The following MYOM3 variants were observed in gnomAD, a reference collection of about 807,000 sequenced individuals.
The protein encoded by MYOM3 is myomesin 3.
A neutral mutation model predicts 191.7 loss-of-function variants in MYOM3; 155 were observed. That is an observed-to-expected ratio of 0.81 (90% CI 0.71 to 0.92). The LOEUF (loss-of-function observed/expected upper bound fraction) is 0.92, where lower values mean the gene tolerates loss of function less well. Among genes scored for constraint, MYOM3 ranks in the 40% least tolerant of loss-of-function variants. The pLI is 0.00. For synonymous variants in MYOM3, 757 were observed against 762.9 expected (o/e 0.99, Z 0.13); for missense variants, 1,889 against 1,890.6 (o/e 1.00, Z 0.02).
intron 19 of MYOM3, among the ~76,000 whole-genome samples, chr1:24,080,574 G>A (rs916841113): frequency 6.6e-6 from 1 of 152,138 alleles, no homozygotes; most frequent in African/African-American, 2.4e-5. Context: ...TTCCAGATAT[G>A]GGGACTCTGG....
intron 5 of MYOM3, among the ~76,000 whole-genome samples, chr1:24,100,252 G>C (rs1643902193): frequency 1.3e-5 from 2 of 152,200 alleles, no homozygotes; most frequent in Non-Finnish European, 2.9e-5. Context: ...GTCCTGACTC[G>C]TGAAATGGCG....
chr1:24,086,547 G>T, intron 15 of MYOM3, 97 bp downstream of exon 15: 1 of 1,250,934 alleles, frequency 8.0e-7, no homozygotes, highest in Non-Finnish European at 1.1e-6. Flanking sequence ...AGAAGGGAGC[G>T]GGGACAGGGA....
chr1:24,079,952 C>G, intron 20 of MYOM3, 64 bp downstream of exon 20: 1 of 1,436,366 alleles, frequency 7.0e-7, no homozygotes, highest in African/African-American at 1.4e-5. Flanking sequence ...GTCATTCCAG[C>G]TCTGATGCTC....
rs12404800 is a variant in MYOM3 at position 24,063,887 on chromosome 1, C to T, written c.3622+185G>A. Among the ~76,000 whole-genome samples, 26,956 of 152,044 alleles carry T rather than the reference C, an allele frequency of 0.18. 2,669 individuals are homozygous for T. The highest frequency in any genetic ancestry group is 0.31 in the South Asian group (1,470 of 4,816). On this transcript the variant is annotated intron_variant, in intron 30 of 36. Transcript: ENST00000374434. The surrounding 1 kb of genome is among the most constrained non-coding windows in gnomAD (Gnocchi z 4.5). ...GGTATACTGTGGTGAACGAGGGCAT[C>T]GGAGTCACACCGACCTGGCTCCTGC...
At chr1:24,079,926 G>T (rs531331447) in intron 20 of MYOM3, 90 bp downstream of exon 20, 1 of 1,169,310 alleles carries the variant, frequency 8.6e-7, no homozygotes, top group South Asian at 1.6e-5. Flanking sequence ...TTAAGTGAGA[G>T]CAGTGATGTC....
Position 24,111,658 on chromosome 1 carries a change from C to T in MYOM3, c.-19+373G>A, listed in dbSNP as rs1441499520. On this transcript the variant is annotated intron_variant, in intron 1 of 36. Coordinates refer to ENST00000374434, the MANE Select transcript of MYOM3 (RefSeq NM_152372.4). The surrounding 1 kb of genome is among the most constrained non-coding windows in gnomAD (Gnocchi z 4.7). The stretch of plus-strand genomic sequence containing the variant: ...GGCTCAGCCAGCTCCGCTCTAAGTT[C>T]GTGGAACTTGCCAGCTTAGCCTGGC... Among the ~76,000 whole-genome samples, 2 of 152,144 alleles carry T rather than the reference C, an allele frequency of 1.3e-5. No individual in the cohort carries two copies. Among genetic ancestry groups the T allele is most frequent in the African/African-American group, 4.8e-5 (2 of 41,432 alleles).
chr1:24,089,007 C>A (rs1349399119), intron 14 of MYOM3, among the ~76,000 whole-genome samples: 1 of 152,154 alleles, frequency 6.6e-6, no homozygotes, highest in Non-Finnish European at 1.5e-5. Context: ...CCATACTGCC[C>A]CCCCTCCACT....
intron 8 of MYOM3, 22 bp downstream of exon 8, chr1:24,095,420 C>G (rs374931531): frequency 6.2e-7 from 1 of 1,608,706 alleles, no homozygotes; most frequent in Non-Finnish European, 8.5e-7. Context: ...TCCCAGGTCC[C>G]GTTCTCCCCC....
chr1:24,088,918 G>A (rs1371461987), intron 14 of MYOM3, among the ~76,000 whole-genome samples: 1 of 152,162 alleles, frequency 6.6e-6, no homozygotes, highest in African/African-American at 2.4e-5. Context: ...GGCTCAGAGA[G>A]TTTAGGACAC....
rs542942194 is a variant in MYOM3 at position 24,089,554 on chromosome 1, G to C, written c.1598C>G (p.Thr533Arg). The stretch of plus-strand genomic sequence containing the variant: ...GTTCCCTACCTTCTCCAGGGAGTAC[G>C]TCAGTGGTGCTCTGTCCCGGGGGCT... The part of the protein sequence containing the change: ...EPSPRDRAPL[T>R]YSLEKSVIGS... The change falls in exon 14 of 37, where the codon ACG becomes AGG. Residue 533 changes from threonine to arginine, a missense_variant. Coordinates refer to ENST00000374434, the MANE Select transcript of MYOM3 (RefSeq NM_152372.4). 8 of 1,602,444 alleles carry C rather than the reference G, an allele frequency of 5.0e-6. No homozygotes were observed. The highest frequency in any genetic ancestry group is 2.7e-5 in the African/African-American group (2 of 74,682).
Position 24,093,008 on chromosome 1 carries a change from G to A in MYOM3, c.1029C>T (p.Tyr343=). 1.2e-6 allele frequency: 2 copies of A among 1,612,842 alleles called. No individual in the cohort carries two copies. The highest frequency in any genetic ancestry group is 1.7e-6 in the Non-Finnish European group (2 of 1,179,730). The part of the protein sequence containing the change: ...SCTYKEDEGL[Y]MVRVPSPFGP... Reference sequence around the variant, plus strand: ...CGAAGGGCGAGGGCACCCGGACCATGTAGAGCCCCTCGTCCTCCTTGTAGG... The same window carrying A: ...CGAAGGGCGAGGGCACCCGGACCATATAGAGCCCCTCGTCCTCCTTGTAGG... The change falls in exon 10 of 37, where the codon TAC becomes TAT. Residue 343 remains tyrosine, a synonymous_variant. Transcript: ENST00000374434.
intron 5 of MYOM3, among the ~76,000 whole-genome samples, chr1:24,102,634 G>A (rs1643946016): frequency 6.6e-6 from 1 of 152,088 alleles, no homozygotes; most frequent in Admixed American, 6.5e-5. Flanking sequence ...GACTACTTGA[G>A]GCCAGGAGTT....
chr1:24,069,283 CTAA>C (rs1643493114), intron 25 of MYOM3, among the ~76,000 whole-genome samples: 1 of 152,212 alleles, frequency 6.6e-6, no homozygotes, highest in Non-Finnish European at 1.5e-5. Context: ...CCACTGAATA[CTAA>C]TGAGTCCAGA....
Position 24,111,025 on chromosome 1 carries a change from G to A in MYOM3, c.-19+1006C>T, listed in dbSNP as rs1333776073. 2.6e-5 allele frequency among the ~76,000 whole-genome samples: 4 copies of A among 152,216 alleles called. No homozygotes were observed. The highest frequency in any genetic ancestry group is 6.5e-5 in the Admixed American group (1 of 15,292). On this transcript the variant is annotated intron_variant, in intron 1 of 36. Transcript: ENST00000374434. This position sits in a 1 kb window ranked among gnomAD's most constrained non-coding sequence, Gnocchi z 4.7. ...GGGCCTGGCGCTCGTCCCTGACCTCGGGGCCTCCAGCAACCAGACCCCTGG... is the reference window on the plus strand; with the variant it reads ...GGGCCTGGCGCTCGTCCCTGACCTCAGGGCCTCCAGCAACCAGACCCCTGG...
At chr1:24,107,935 G>T (rs999255896) in intron 3 of MYOM3, 58 bp downstream of exon 3, 11 of 1,447,138 alleles carry the variant, frequency 7.6e-6, no homozygotes, top group Admixed American at 1.9e-5. Flanking sequence ...GGAGGCCGGG[G>T]ACTGGACAGG....
chr1:24,091,687 A>G (rs747415408), intron 11 of MYOM3, among the ~76,000 whole-genome samples: 2 of 152,184 alleles, frequency 1.3e-5, no homozygotes, highest in Non-Finnish European at 2.9e-5. Context: ...GAGATGAGGC[A>G]TGCCCTTAGC....
chr1:24,106,940 T>G, intron 4 of MYOM3, 133 bp downstream of exon 4: 1 of 831,648 alleles, frequency 1.2e-6, no homozygotes. Flanking sequence ...CACTGGAATG[T>G]AGGGGCATCA....
At position 24,064,166 on chromosome 1, in the gene MYOM3, A is replaced by G; in HGVS notation, c.3535-7T>C. 6.2e-7 allele frequency: 1 copy of G among 1,611,094 alleles called. No individual in the cohort carries two copies. Among genetic ancestry groups the G allele is most frequent in the South Asian group, 1.1e-5 (1 of 90,978 alleles). ...CCTTGTCCTTTTTGGACAACTGGAA[A>G]GAAGGATGAGCGATGGTGGTGTCAG... On this transcript the variant is annotated splice_region_variant and splice_polypyrimidine_tract_variant and intron_variant, in intron 29 of 36. Transcript: ENST00000374434.
intron 36 of MYOM3, among the ~76,000 whole-genome samples, 183 bp downstream of exon 36, chr1:24,058,741 C>T (rs367831728): frequency 5.3e-5 from 8 of 152,274 alleles, no homozygotes; most frequent in African/African-American, 1.9e-4. Flanking sequence ...AGGTCAAGTA[C>T]CCACTGAGGG....
Sources: gnomAD v4.1 joint callset for allele counts (sites outside exome capture counted in the v4.1 genomes callset) on GRCh38, gnomAD v4.1.1 for gene constraint, Gnocchi (gnomAD v3.1) non-coding constraint, MANE v1.5 for transcripts, NCBI Gene and HGNC (gene_info 2026-07-23, HGNC 2026-07-21) for gene names.